CFH: variants seen among roughly 807,000 people sequenced by gnomAD.
The protein encoded by CFH is H factor 1 (complement).
In CFH, 53 loss-of-function variants were observed where a neutral mutation model predicts 147.3. The ratio of observed to expected loss-of-function variants is 0.36; its 90% CI spans 0.29 to 0.45. The LOEUF is 0.45. Among genes scored for constraint, CFH ranks in the 20% least tolerant of loss-of-function variants. The probability of loss-of-function intolerance (pLI) is 1.00; values close to 1 mark genes in which losing one functional copy is unlikely to be tolerated. For missense variants in CFH, 1,380 were observed against 1,498.0 expected, an observed-to-expected ratio of 0.92 and a Z score of 1.30; for synonymous variants, 536 against 489.4, an observed-to-expected ratio of 1.10 and a Z score of -1.26.
At chr1:196,689,391 T>C (rs1667946856) in intron 7 of CFH, 29 bp from the exon 8 acceptor site, 2 of 1,588,796 alleles carry the variant, frequency 1.3e-6, no homozygotes, top group East Asian at 4.6e-5. Flanking sequence ...AAAATTTCTT[T>C]ATACTTTTTT....
At chr1:196,671,491 G>A (rs1273739259) in intron 1 of CFH, among the ~76,000 whole-genome samples, 5 of 151,718 alleles carry the variant, frequency 3.3e-5, no homozygotes, top group Admixed American at 1.3e-4. Context: ...TTTAGTTTGA[G>A]TCAGTCCCAT....
At chr1:196,737,056 A>T (rs1267366530) in intron 16 of CFH, 50 bp downstream of exon 16, 1 of 1,471,534 alleles carries the variant, frequency 6.8e-7, no homozygotes, top group Admixed American at 1.7e-5. Flanking sequence ...TGAGGTTAAT[A>T]TTCTCTTGTG....
intron 11 of CFH, among the ~76,000 whole-genome samples, chr1:196,717,968 A>G (rs1024513068): frequency 7.2e-5 from 11 of 152,102 alleles, no homozygotes; most frequent in African/African-American, 2.7e-4. Flanking sequence ...AGTATGAGAC[A>G]TGGTCATCTG....
chr1:196,701,306 A>C, intron 9 of CFH: 7 of 1,613,700 alleles, frequency 4.3e-6, no homozygotes, highest in Non-Finnish European at 5.9e-6. Context: ...TCTGCTCTTC[A>C]ATCTTTCCCA....
At position 196,715,728 on chromosome 1, in the gene CFH, T is replaced by G. The variant is rs1471665793; in HGVS notation, c.1655T>G (p.Val552Gly). 6.2e-7 allele frequency: 1 copy of G among 1,612,736 alleles called. No individual in the cohort carries two copies. Among genetic ancestry groups the G allele is most frequent in the Non-Finnish European group, 8.5e-7 (1 of 1,179,206 alleles). Residue 552 changes from valine to glycine, a missense_variant, in exon 11 of 22, where the codon GTG becomes GGG. Around this residue, in one of 4 missense-constraint regions of CFH, gnomAD observed 830 missense variants for 821.4 expected, o/e 1.01. Transcript: ENST00000367429. ...ACTGGAAGCACCACTGGTTCCATAG[T>G]GTGTGGTTACAATGGTTGGTCTGAT... Reference protein sequence around the residue: ...SNTGSTTGSIVCGYNGWSDLP... With the variant: ...SNTGSTTGSIGCGYNGWSDLP...
chr1:196,687,417 G>T (rs181612802), intron 7 of CFH, among the ~76,000 whole-genome samples: 3 of 151,976 alleles, frequency 2.0e-5, no homozygotes, highest in African/African-American at 7.2e-5. Context: ...TAGCTAAATA[G>T]CTCGAGCCTG....
chr1:196,717,563 C>T (rs1459174005), intron 11 of CFH, among the ~76,000 whole-genome samples: 1 of 151,884 alleles, frequency 6.6e-6, no homozygotes. Context: ...ATAGAATCTG[C>T]CAATAAAAAT....
intron 6 of CFH, among the ~76,000 whole-genome samples, chr1:196,680,302 G>A (rs1399631908): frequency 1.9e-3 from 206 of 108,616 alleles, no homozygotes; most frequent in Non-Finnish European, 1.8e-3. Flanking sequence ...GATGGTCCTG[G>A]AAAATTACCA....
In CFH at chr1:196,696,042, C is replaced by G. The variant is rs566876750; in HGVS notation, c.1336+5803C>G. Among the ~76,000 whole-genome samples the G allele has an allele frequency of 7.9e-5, 12 of 151,950 alleles. No homozygotes were observed. In the South Asian group the frequency reaches 2.5e-3, roughly 32 times the overall value. On this transcript the variant is annotated intron_variant, in intron 9 of 21. Coordinates refer to ENST00000367429, the MANE Select transcript of CFH (RefSeq NM_000186.4). ...GGTCCAAAACTCCCAATACTATGTC[C>G]ATCCTAGACAGATCAACGAGACAGA...
chr1:196,671,773 TAAA>T (rs1328977454), intron 1 of CFH, among the ~76,000 whole-genome samples: 5 of 147,992 alleles, frequency 3.4e-5, no homozygotes, highest in Non-Finnish European at 6.0e-5. Flanking sequence ...ATATATATAA[TAAA>T]AGCCATTTAT....
At chr1:196,713,302 A>T (rs567684463) in intron 9 of CFH, among the ~76,000 whole-genome samples, 1 of 152,268 alleles carries the variant, frequency 6.6e-6, no homozygotes, top group Non-Finnish European at 1.5e-5. Context: ...GGCTATGAAA[A>T]TTATTTTGGC....
chr1:196,666,507 C>T (rs530866624), intron 1 of CFH, among the ~76,000 whole-genome samples: 2 of 151,874 alleles, frequency 1.3e-5, no homozygotes, highest in African/African-American at 4.8e-5. Context: ...GTGTTGCTTG[C>T]CAAGTGCGGT....
At chr1:196,744,220 T>C (rs953781223) in intron 20 of CFH, among the ~76,000 whole-genome samples, 1 of 152,096 alleles carries the variant, frequency 6.6e-6, no homozygotes, top group African/African-American at 2.4e-5. Flanking sequence ...ATGTTTATTA[T>C]TGAAGTGAGT....
intron 9 of CFH, among the ~76,000 whole-genome samples, chr1:196,702,580 C>A (rs756018933): frequency 1.4e-4 from 21 of 150,198 alleles, no homozygotes; most frequent in Non-Finnish European, 2.8e-4. Context: ...TCTGTATTTG[C>A]CACACAGAAC....
intron 3 of CFH, among the ~76,000 whole-genome samples, chr1:196,674,273 T>A (rs1393562524): frequency 3.3e-5 from 5 of 152,188 alleles, no homozygotes; most frequent in Non-Finnish European, 7.4e-5. Context: ...CAGAGTATCA[T>A]GGGAGTTCAA....
chr1:196,681,537 T>G (rs1667658126), intron 6 of CFH, among the ~76,000 whole-genome samples: 1 of 151,534 alleles, frequency 6.6e-6, no homozygotes, highest in Non-Finnish European at 1.5e-5. Flanking sequence ...TTTTCTTTTA[T>G]AATTTTTTTC....
Position 196,728,352 on chromosome 1 carries a change from A to T in CFH, c.2243A>T (p.Asp748Val), listed in dbSNP as rs755774404. The T allele has an allele frequency of 1.1e-5, 17 of 1,482,014 alleles. No individual in the cohort carries two copies. The South Asian group carries it at 2.2e-4, about 19-fold the overall frequency. 91.8% of individuals were successfully genotyped at this position (1,482,014 alleles called of 1,614,324 possible). Residue 748 changes from aspartate to valine, a missense_variant, in exon 15 of 22, where the codon GAT becomes GTT. This residue lies in a region of CFH where 830 missense variants were observed against 821.4 expected (regional missense o/e 1.01). Transcript: ENST00000367429. ...AAATATATTTATTTTATAGCAATAGATAAACTTAAGAAGTGCAAATCATCA... is the reference window on the plus strand; with the variant it reads ...AAATATATTTATTTTATAGCAATAGTTAAACTTAAGAAGTGCAAATCATCA... Reference protein sequence around the residue: ...WTQLPQCVAIDKLKKCKSSNL... With the variant: ...WTQLPQCVAIVKLKKCKSSNL...
At chr1:196,691,952 G>T (rs1447949889) in intron 9 of CFH, among the ~76,000 whole-genome samples, 1 of 151,636 alleles carries the variant, frequency 6.6e-6, no homozygotes, top group Non-Finnish European at 1.5e-5. Flanking sequence ...ATGAAATATG[G>T]TAAACTCAAC....
At chr1:196,737,097 CTG>C (rs1355360011) in intron 16 of CFH, 91 bp downstream of exon 16, 1 of 1,106,754 alleles carries the variant, frequency 9.0e-7, no homozygotes, top group Non-Finnish European at 1.3e-6. Context: ...AGTTCTTTCT[CTG>C]TGTCTATTAC....
Sources: gnomAD v4.1 joint callset for allele counts (sites outside exome capture counted in the v4.1 genomes callset) on GRCh38, gnomAD v4.1.1 for gene constraint, gnomAD v4.1.1 regional missense constraint, MANE v1.5 for transcripts, NCBI Gene and HGNC (gene_info 2026-07-23, HGNC 2026-07-21) for gene names.